ANKIB1: variants seen among roughly 807,000 people sequenced by gnomAD.
ANKIB1 encodes ankyrin repeat and IBR domain-containing protein 1.
ANKIB1 carries 43 observed loss-of-function variants against 122.1 expected under a neutral mutation model. The observed-to-expected ratio is 0.35, with a 90% CI of 0.28 to 0.45. The LOEUF (loss-of-function observed/expected upper bound fraction) is 0.45. Ranked by LOEUF, ANKIB1 falls within the 20% of genes least tolerant of loss-of-function variation. ANKIB1 has a pLI of 1.00. For synonymous variants in ANKIB1, 390 were observed against 442.0 expected, an observed-to-expected ratio of 0.88 and a Z score of 1.48; for missense variants, 992 against 1,329.5, an observed-to-expected ratio of 0.75 and a Z score of 3.95.
In ANKIB1 at chr7:92,398,764, G is replaced by A; in HGVS notation, c.3085G>A (p.Val1029Ile). Residue 1029 changes from valine (V) to isoleucine (I), a missense_variant, in exon 20 of 20, where the codon GTC becomes ATC. Around this residue, in one of 4 missense-constraint regions of ANKIB1, gnomAD observed 384 missense variants for 412.0 expected, o/e 0.93. Transcript: ENST00000265742. ...PEDSMFEDAS[V>I]SEGRGTQIEE... ...AGATTCAATGTTTGAAGATGCCAGT[G>A]TCAGTGAAGGTAGAGGAACCCAGAT... The A allele has an allele frequency of 6.2e-7, 1 of 1,613,376 alleles. No individual in the cohort carries two copies. Among genetic ancestry groups the A allele is most frequent in the Non-Finnish European group, 8.5e-7 (1 of 1,179,646 alleles).
intron 2 of ANKIB1, among the ~76,000 whole-genome samples, chr7:92,304,801 T>G (rs149656966): frequency 6.6e-6 from 1 of 152,288 alleles, no homozygotes; most frequent in Admixed American, 6.5e-5. Context: ...AATTTTATTA[T>G]CAGCGGTTGA....
chr7:92,355,016 C>T (rs1803763819), intron 9 of ANKIB1, among the ~76,000 whole-genome samples: 1 of 152,224 alleles, frequency 6.6e-6, no homozygotes, highest in African/African-American at 2.4e-5. Flanking sequence ...GAGATATCTG[C>T]ATAGATATAA....
At chr7:92,390,895 T>C (rs1031769255) in intron 15 of ANKIB1, among the ~76,000 whole-genome samples, 3 of 152,226 alleles carry the variant, frequency 2.0e-5, no homozygotes, top group Non-Finnish European at 4.4e-5. Context: ...ACTACTTCTT[T>C]GTAATCTATA....
At position 92,398,714 on chromosome 7, in the gene ANKIB1, A is replaced by G. The variant is rs200594136; in HGVS notation, c.3035A>G (p.Lys1012Arg). 620 of 1,613,730 alleles carry G rather than the reference A, an allele frequency of 3.8e-4. 3 individuals carry two copies. Among genetic ancestry groups the G allele is most frequent in the South Asian group, 3.5e-3 (322 of 91,028 alleles). Residue 1012 changes from lysine (K) to arginine (R), a missense_variant, in exon 20 of 20, where the codon AAG becomes AGG. Coordinates refer to ENST00000265742, the MANE Select transcript of ANKIB1 (RefSeq NM_019004.2). Reference sequence around the variant, plus strand: ...ATCAAAGATGGGTCAGAAGGTGTGAAGGATGTGGAACTGGTGCTGCCAGAA... The same window carrying G: ...ATCAAAGATGGGTCAGAAGGTGTGAGGGATGTGGAACTGGTGCTGCCAGAA... ...PCIKDGSEGV[K>R]DVELVLPEDS...
chr7:92,391,174 A>G lies in ANKIB1; in HGVS notation c.2061A>G (p.Leu687=), dbSNP rs1370764938. 3.7e-6 allele frequency: 6 copies of G among 1,611,150 alleles called. No homozygotes were observed. The highest frequency in any genetic ancestry group is 5.1e-6 in the Non-Finnish European group (6 of 1,178,496). The stretch of plus-strand genomic sequence containing the variant: ...TTCTCTGCTTACTATAGACAGACCT[A>G]GAAATGGTCACTGAAGACCTTGCCC... ...KEIFELMQTD[L]EMVTEDLAQK... Residue 687 remains leucine, a synonymous_variant, in exon 16 of 20, where the codon CTA becomes CTG. Coordinates refer to ENST00000265742, the MANE Select transcript of ANKIB1 (RefSeq NM_019004.2).
intron 1 of ANKIB1, among the ~76,000 whole-genome samples, chr7:92,292,636 T>A (rs570467712): frequency 6.6e-6 from 1 of 152,268 alleles, no homozygotes; most frequent in African/African-American, 2.4e-5. Context: ...GTGTATAGTA[T>A]GGGAGAGAAG....
At chr7:92,252,066 C>G (rs1263221313) in intron 1 of ANKIB1, among the ~76,000 whole-genome samples, 2 of 152,148 alleles carry the variant, frequency 1.3e-5, no homozygotes, top group East Asian at 3.8e-4. Flanking sequence ...GTTATGCATT[C>G]CTGGCAGTAA....
chr7:92,272,902 C>T (rs1373056422), intron 1 of ANKIB1, among the ~76,000 whole-genome samples: 1 of 152,128 alleles, frequency 6.6e-6, no homozygotes, highest in Non-Finnish European at 1.5e-5. Flanking sequence ...TAAACCTGTA[C>T]AGCATGTTAC....
rs774327474 is a variant in ANKIB1 at position 92,246,382 on chromosome 7, G to C, written c.-228G>C. 2 of 479,334 alleles carry C rather than the reference G, an allele frequency of 4.2e-6. No homozygotes were observed. Among genetic ancestry groups the C allele is most frequent in the East Asian group, 1.2e-4 (2 of 16,032 alleles). 29.7% of individuals were successfully genotyped at this position (479,334 alleles called of 1,614,324 possible). A position where few individuals can be genotyped will look rare whatever the true frequency, so the allele number is the denominator to read the frequency against. ...TGGCGGGTGCACCCGGGCCGGCGAG[G>C]AAGGGGCAACCGTCCGGGTGGGTGG... On this transcript the variant is annotated 5_prime_UTR_variant, in exon 1 of 20. Coordinates refer to ENST00000265742, the MANE Select transcript of ANKIB1 (RefSeq NM_019004.2).
At chr7:92,284,746 T>G (rs527533100) in intron 1 of ANKIB1, among the ~76,000 whole-genome samples, 1 of 152,318 alleles carries the variant, frequency 6.6e-6, no homozygotes, top group Admixed American at 6.5e-5. Context: ...ATGGAACTTG[T>G]GATTTACTTA....
chr7:92,388,834 G>C (rs535306370), intron 14 of ANKIB1, among the ~76,000 whole-genome samples: 1 of 152,320 alleles, frequency 6.6e-6, no homozygotes, highest in East Asian at 1.9e-4. Context: ...GTTAAATGGA[G>C]TGGGGGAGAA....
intron 8 of ANKIB1, 67 bp from the exon 9 acceptor site, chr7:92,352,409 T>C (rs1803684048): frequency 6.8e-7 from 1 of 1,480,588 alleles, no homozygotes; most frequent in African/African-American, 1.4e-5. Context: ...ACCATAGAGG[T>C]ACACTCTGTA....
chr7:92,295,187 A>G, intron 2 of ANKIB1, 21 bp downstream of exon 2: 1 of 1,504,396 alleles, frequency 6.6e-7, no homozygotes, highest in Non-Finnish European at 8.9e-7. Context: ...CTATAAACTA[A>G]TTGGTATTAG....
intron 3 of ANKIB1, among the ~76,000 whole-genome samples, chr7:92,308,307 A>G (rs1779291695): frequency 6.6e-6 from 1 of 152,202 alleles, no homozygotes. Context: ...TTGGTCATCA[A>G]TTAAGCACTA....
At chr7:92,372,925 A>G (rs1305193843) in intron 11 of ANKIB1, among the ~76,000 whole-genome samples, 2 of 152,076 alleles carry the variant, frequency 1.3e-5, no homozygotes, top group African/African-American at 4.8e-5. Context: ...GGAAATTTAA[A>G]TGGTTAAGAT....
At chr7:92,294,318 A>T (rs1802308837) in intron 1 of ANKIB1, 1 of 152,194 alleles carries the variant, frequency 6.6e-6, no homozygotes, top group East Asian at 1.9e-4. Context: ...GTGTATTATC[A>T]GTTTTAGTAC....
At chr7:92,346,279 C>T (rs1312188201) in intron 7 of ANKIB1, among the ~76,000 whole-genome samples, 1 of 152,084 alleles carries the variant, frequency 6.6e-6, no homozygotes, top group Non-Finnish European at 1.5e-5. Flanking sequence ...TATAGGCACA[C>T]ACCACCACGC....
chr7:92,314,644 A>G (rs1802755774), intron 3 of ANKIB1, among the ~76,000 whole-genome samples: 1 of 152,234 alleles, frequency 6.6e-6, no homozygotes. Flanking sequence ...AAAAGTATAC[A>G]TACCTCTTAC....
At chr7:92,383,970 G>T (rs1585137238) in intron 11 of ANKIB1, among the ~76,000 whole-genome samples, 1 of 152,290 alleles carries the variant, frequency 6.6e-6, no homozygotes, top group Non-Finnish European at 1.5e-5. Context: ...CAGATGACAT[G>T]ATTGTATATT....
Sources: gnomAD v4.1 joint callset for allele counts (sites outside exome capture counted in the v4.1 genomes callset) on GRCh38, gnomAD v4.1.1 for gene constraint, gnomAD v4.1.1 regional missense constraint, MANE v1.5 for transcripts, NCBI Gene and HGNC (gene_info 2026-07-23, HGNC 2026-07-21) for gene names.